The following GPC5 variants were observed in gnomAD, a reference collection of about 807,000 sequenced individuals.
The protein encoded by GPC5 is glypican-5.
GPC5 carries 47 observed loss-of-function variants against 53.9 expected under a neutral mutation model. That is an observed-to-expected ratio of 0.87 (90% CI 0.69 to 1.11). The LOEUF is 1.11. Among genes scored for constraint, GPC5 ranks in the 50% most tolerant of loss-of-function variants. The probability of loss-of-function intolerance (pLI) is 0.00; values close to 1 mark genes in which losing one functional copy is unlikely to be tolerated. For synonymous variants in GPC5, 286 were observed against 263.3 expected (o/e 1.09, Z -0.84); for missense variants, 748 against 713.1 (o/e 1.05, Z -0.56).
At position 92,121,036 on chromosome 13, in the gene GPC5, A is replaced by C. The variant is rs573311568; in HGVS notation, c.1402-23794A>C. Among the ~76,000 whole-genome samples the C allele has an allele frequency of 8.3e-4, 127 of 152,354 alleles. 1 individual carries two copies. The highest frequency in any genetic ancestry group is 2.9e-3 in the African/African-American group (122 of 41,590). On this transcript the variant is annotated intron_variant, in intron 6 of 7. Coordinates refer to ENST00000377067, the MANE Select transcript of GPC5 (RefSeq NM_004466.6). ...AGTTACTGACACCTCACTATTCAAC[A>C]GGAGGATAGAGATGCCCACAGCCCC... is the stretch of plus-strand genomic sequence containing the variant.
intron 6 of GPC5, among the ~76,000 whole-genome samples, chr13:92,010,786 G>A (rs1488248110): frequency 3.3e-5 from 5 of 152,138 alleles, no homozygotes; most frequent in Admixed American, 2.6e-4. Flanking sequence ...CAGGAAGGGA[G>A]GCCACACGAG....
chr13:91,922,080 A>G (rs2039721183), intron 6 of GPC5, among the ~76,000 whole-genome samples: 1 of 152,182 alleles, frequency 6.6e-6, no homozygotes, highest in African/African-American at 2.4e-5. Context: ...CATTGCCAAG[A>G]GTTGATAAAC....
At chr13:92,764,295 A>G (rs1354951549) in intron 7 of GPC5, among the ~76,000 whole-genome samples, 3 of 152,210 alleles carry the variant, frequency 2.0e-5, no homozygotes, top group Non-Finnish European at 4.4e-5. Context: ...AGTGGTGACA[A>G]GACCTCAGGG....
At chr13:92,306,137 A>G (rs1431825517) in intron 7 of GPC5, among the ~76,000 whole-genome samples, 4 of 152,192 alleles carry the variant, frequency 2.6e-5, no homozygotes, top group African/African-American at 9.7e-5. Context: ...GAGTAAATGA[A>G]CAGTAAGAAA....
intron 6 of GPC5, among the ~76,000 whole-genome samples, chr13:91,912,050 T>C (rs1344700784): frequency 6.6e-6 from 1 of 152,180 alleles, no homozygotes; most frequent in African/African-American, 2.4e-5. Flanking sequence ...CCTGAGATTG[T>C]ATAAAGTTGT....
intron 7 of GPC5, among the ~76,000 whole-genome samples, chr13:92,759,781 A>C (rs1165345154): frequency 6.6e-6 from 1 of 152,032 alleles, no homozygotes; most frequent in Non-Finnish European, 1.5e-5. Flanking sequence ...GAGCATCCTC[A>C]TGCATTGTAC....
intron 7 of GPC5, among the ~76,000 whole-genome samples, chr13:92,244,961 C>A (rs1221488374): frequency 6.6e-6 from 1 of 151,454 alleles, no homozygotes; most frequent in Non-Finnish European, 1.5e-5. Flanking sequence ...CTGCTTGAAC[C>A]CGGGAGGTGG....
At chr13:92,042,930 A>C (rs2040952843) in intron 6 of GPC5, among the ~76,000 whole-genome samples, 1 of 152,232 alleles carries the variant, frequency 6.6e-6, no homozygotes, top group Non-Finnish European at 1.5e-5. Flanking sequence ...TATTAAAAAG[A>C]GCCAAATGGA....
At chr13:92,700,745 G>C (rs944049018) in intron 7 of GPC5, among the ~76,000 whole-genome samples, 3 of 151,960 alleles carry the variant, frequency 2.0e-5, no homozygotes, top group Non-Finnish European at 4.4e-5. Context: ...TTTCTCTGAG[G>C]TTACCCTGCC....
chr13:92,638,570 T>G (rs1328014859), intron 7 of GPC5, among the ~76,000 whole-genome samples: 2 of 152,110 alleles, frequency 1.3e-5, no homozygotes, highest in Non-Finnish European at 2.9e-5. Context: ...ATACTCCTCT[T>G]TCTCAGATTT....
intron 5 of GPC5, among the ~76,000 whole-genome samples, chr13:91,858,248 G>C (rs559996297): frequency 3.8e-4 from 58 of 151,852 alleles, no homozygotes; most frequent in Non-Finnish European, 6.8e-4. Context: ...CTAGTTCCAG[G>C]TCTTAGAGGA....
At chr13:91,841,211 C>T (rs764877866) in intron 5 of GPC5, among the ~76,000 whole-genome samples, 3 of 151,432 alleles carry the variant, frequency 2.0e-5, no homozygotes, top group Non-Finnish European at 4.4e-5. Flanking sequence ...CATTTCTTAT[C>T]GGAAATTCTA....
At chr13:91,728,848 C>T (rs1218298491) in intron 4 of GPC5, among the ~76,000 whole-genome samples, 183 bp downstream of exon 4, 1 of 151,164 alleles carries the variant, frequency 6.6e-6, no homozygotes, top group Non-Finnish European at 1.5e-5. Flanking sequence ...AGACAGGTTC[C>T]ACTTATAAGA....
At chr13:92,168,584 C>A (rs537273053) in intron 7 of GPC5, among the ~76,000 whole-genome samples, 1 of 152,110 alleles carries the variant, frequency 6.6e-6, no homozygotes, top group African/African-American at 2.4e-5. Context: ...TGAAAAAAAG[C>A]TCGACATCAG....
chr13:92,277,735 C>T (rs926362247), intron 7 of GPC5, among the ~76,000 whole-genome samples: 1 of 151,760 alleles, frequency 6.6e-6, no homozygotes, highest in African/African-American at 2.4e-5. Context: ...ACAAAAATGG[C>T]ACTGCAGACA....
intron 7 of GPC5, among the ~76,000 whole-genome samples, chr13:92,422,570 T>A (rs908888195): frequency 6.6e-6 from 1 of 151,376 alleles, no homozygotes; most frequent in African/African-American, 2.4e-5. Context: ...ATTGTAGTCA[T>A]GACGAGAGGT....
At chr13:92,279,800 T>C (rs1388211983) in intron 7 of GPC5, among the ~76,000 whole-genome samples, 4 of 152,204 alleles carry the variant, frequency 2.6e-5, no homozygotes, top group Non-Finnish European at 4.4e-5. Context: ...TTATTCAGTA[T>C]GCTTATTTGG....
At chr13:92,279,299 T>C (rs1448934169) in intron 7 of GPC5, among the ~76,000 whole-genome samples, 1 of 152,090 alleles carries the variant, frequency 6.6e-6, no homozygotes, top group Non-Finnish European at 1.5e-5. Context: ...AATGGAATTT[T>C]CTTAATTTCT....
intron 7 of GPC5, among the ~76,000 whole-genome samples, chr13:92,444,834 G>T (rs1235427574): frequency 2.0e-5 from 3 of 151,880 alleles, no homozygotes; most frequent in Non-Finnish European, 4.4e-5. Context: ...AAATTAAGAG[G>T]GTTCCAGAAT....
Sources: allele counts gnomAD v4.1 joint callset (sites outside exome capture counted in the v4.1 genomes callset), GRCh38; gene constraint gnomAD v4.1.1; transcripts MANE v1.5; gene names NCBI Gene and HGNC (gene_info 2026-07-23, HGNC 2026-07-21).